COL4A3: variants seen among roughly 807,000 people sequenced by gnomAD.
COL4A3 encodes the protein collagen type IV alpha 3 chain.
A neutral mutation model predicts 217.4 loss-of-function variants in COL4A3; 135 were observed. That is an observed-to-expected ratio of 0.62 (90% confidence interval 0.54 to 0.72). The LOEUF (loss-of-function observed/expected upper bound fraction) is 0.72, where lower values mean the gene tolerates loss of function less well. COL4A3 is among the 30% of genes least tolerant of loss of function. COL4A3 has a pLI of 0.00. For synonymous variants in COL4A3, 690 were observed against 736.3 expected (o/e 0.94, Z 1.02); for missense variants, 1,868 against 2,119.9 (o/e 0.88, Z 2.33).
Position 227,257,607 on chromosome 2 carries a change from A to T in COL4A3, c.992A>T (p.Gln331Leu). 6.2e-7 allele frequency: 1 copy of T among 1,613,796 alleles called. No individual in the cohort carries two copies. Among genetic ancestry groups the T allele is most frequent in the Non-Finnish European group, 8.5e-7 (1 of 1,179,644 alleles). The change falls in exon 18 of 52, where the codon CAG becomes CTG. Residue 331 changes from glutamine to leucine, a missense_variant. This residue lies in a region of COL4A3 where 1,503 missense variants were observed against 1,786.1 expected (regional missense o/e 0.84). Coordinates refer to ENST00000396578, the MANE Select transcript of COL4A3 (RefSeq NM_000091.5). ...TGTAAATGTCTTTCACTGTAGGGAC[A>T]GAAAGGGGACATTGGCCCTCCAGGA... ...GLMGEDGIKGQKGDIGPPGFR... is the reference protein window; with the variant it reads ...GLMGEDGIKGLKGDIGPPGFR...
chr2:227,308,008 G>A, intron 48 of COL4A3, 89 bp downstream of exon 48: 1 of 1,166,172 alleles, frequency 8.6e-7, no homozygotes, highest in Non-Finnish European at 1.3e-6. Flanking sequence ...CTGAAGTTAA[G>A]TGTAAATAAC....
intron 41 of COL4A3, chr2:227,296,589 T>C (rs1559912685): frequency 1.4e-6 from 1 of 714,202 alleles, no homozygotes; most frequent in Non-Finnish European, 1.7e-6. Flanking sequence ...TTGCAGAGCA[T>C]GTAATCATTT....
chr2:227,231,800 G>T (rs1183228229), intron 1 of COL4A3, among the ~76,000 whole-genome samples: 2 of 152,144 alleles, frequency 1.3e-5, no homozygotes, highest in African/African-American at 2.4e-5. Flanking sequence ...CCAATGTGCT[G>T]GGATTATAGG....
At chr2:227,167,555 T>C (rs2125627013) in intron 1 of COL4A3, among the ~76,000 whole-genome samples, 1 of 152,368 alleles carries the variant, frequency 6.6e-6, no homozygotes, top group East Asian at 1.9e-4. Flanking sequence ...TAAGATATCA[T>C]GGTTTATCCT....
intron 2 of COL4A3, among the ~76,000 whole-genome samples, chr2:227,239,202 G>A (rs1215646127): frequency 6.6e-6 from 1 of 151,562 alleles, no homozygotes; most frequent in East Asian, 1.9e-4. Context: ...CGGGGAGGGG[G>A]GGATATAATA....
intron 1 of COL4A3, among the ~76,000 whole-genome samples, chr2:227,188,019 A>G (rs2066093273): frequency 6.6e-6 from 1 of 152,204 alleles, no homozygotes; most frequent in Admixed American, 6.5e-5. Context: ...TATAACAAAC[A>G]AACAGCAGCC....
At position 227,174,250 on chromosome 2, in the gene COL4A3, A is replaced by C. The variant is rs977355161; in HGVS notation, c.87+9437A>C. ...ACATCACAAAACGGAAAATAATTGG[A>C]AAAAGGAATGGGGCAAGGGAAATAT... On this transcript the variant is annotated intron_variant, in intron 1 of 51. Transcript: ENST00000396578. 9.2e-5 allele frequency among the ~76,000 whole-genome samples: 14 copies of C among 152,192 alleles called. 1 individual carries two copies. Among genetic ancestry groups the C allele is most frequent in the African/African-American group, 3.4e-4 (14 of 41,450 alleles).
intron 1 of COL4A3, among the ~76,000 whole-genome samples, chr2:227,202,707 C>A (rs558525870): frequency 7.1e-6 from 1 of 139,978 alleles, no homozygotes; most frequent in Non-Finnish European, 1.5e-5. Context: ...TGCAGTCCGG[C>A]CTGGGAGAAA....
chr2:227,230,508 ATAGT>A (rs1302750868), intron 1 of COL4A3, among the ~76,000 whole-genome samples: 2 of 152,204 alleles, frequency 1.3e-5, no homozygotes, highest in African/African-American at 4.8e-5. Flanking sequence ...TGCTTCCTTA[ATAGT>A]TAGCCTTTGG....
Position 227,267,050 on chromosome 2 carries a change from C to G in COL4A3, c.1466C>G (p.Pro489Arg). The G allele has an allele frequency of 8.7e-6, 14 of 1,613,986 alleles. No individual in the cohort carries two copies. Among genetic ancestry groups the G allele is most frequent in the Non-Finnish European group, 1.2e-5 (14 of 1,179,936 alleles). ...TATATCCCAGGGCCTCCCGGTCTCC[C>G]AGGATTGCCAGGGTTACATGGTGTA... ...CPYIPGPPGL[P>R]GLPGLHGVKG... The change falls in exon 23 of 52, where the codon CCA (proline) becomes CGA (arginine). Residue 489 changes from proline to arginine, a missense_variant. Physicochemically the swap from Pro to Arg is moderately radical, Grantham distance 103. This residue lies in a region of COL4A3 where 1,503 missense variants were observed against 1,786.1 expected (regional missense o/e 0.84). Coordinates refer to ENST00000396578, the MANE Select transcript of COL4A3 (RefSeq NM_000091.5).
At chr2:227,299,594 G>A (rs1276353133) in intron 43 of COL4A3, among the ~76,000 whole-genome samples, 3 of 152,150 alleles carry the variant, frequency 2.0e-5, no homozygotes, top group East Asian at 3.9e-4. Context: ...TTGACTTATC[G>A]TTAGTACAAG....
chr2:227,300,609 A>G (rs1311905235), intron 43 of COL4A3, among the ~76,000 whole-genome samples: 4 of 152,224 alleles, frequency 2.6e-5, no homozygotes, highest in Non-Finnish European at 5.9e-5. Context: ...CTCAGGGATC[A>G]TAACTGAGTG....
At chr2:227,222,122 C>CTAATAATAATAATAATAA (rs367763401) in intron 1 of COL4A3, among the ~76,000 whole-genome samples, 13 of 105,252 alleles carry the variant, frequency 1.2e-4, no homozygotes, top group African/African-American at 3.6e-4. Flanking sequence ...GACACTGTCT[C>CTAATAATAATAATAATAA]TAATAATAAT....
At chr2:227,233,115 G>A (rs987897037) in intron 1 of COL4A3, among the ~76,000 whole-genome samples, 3 of 152,168 alleles carry the variant, frequency 2.0e-5, no homozygotes, top group Non-Finnish European at 4.4e-5. Context: ...CTGGGTTCAA[G>A]CAATTCTCAT....
rs566713571 is a variant in COL4A3 at position 227,250,130 on chromosome 2, C to T, written c.547-1010C>T. On this transcript the variant is annotated intron_variant, in intron 9 of 51. Coordinates refer to ENST00000396578, the MANE Select transcript of COL4A3 (RefSeq NM_000091.5). This position sits in a 1 kb window ranked among gnomAD's most constrained non-coding sequence, Gnocchi z 4.1. The stretch of plus-strand genomic sequence containing the variant: ...GAGTTTGAGACCAGCCTGGCCAACA[C>T]GCTGAAACTCCATCTCTACTAAAGA... Among the ~76,000 whole-genome samples, 7 of 152,090 alleles carry T rather than the reference C, an allele frequency of 4.6e-5. No homozygotes were observed. Among genetic ancestry groups the T allele is most frequent in the East Asian group, 1.9e-4 (1 of 5,158 alleles).
chr2:227,242,508 C>T (rs1024201545), intron 3 of COL4A3, among the ~76,000 whole-genome samples: 1 of 152,210 alleles, frequency 6.6e-6, no homozygotes, highest in Admixed American at 6.5e-5. Flanking sequence ...CCGCTTTCCT[C>T]ACTGAAGGGT....
chr2:227,304,356 T>C, intron 46 of COL4A3: 1 of 599,134 alleles, frequency 1.7e-6, no homozygotes, highest in Non-Finnish European at 2.9e-6. Context: ...ATAGTATAAC[T>C]TGAACAAATA....
intron 1 of COL4A3, among the ~76,000 whole-genome samples, chr2:227,229,665 A>C (rs2068283534): frequency 6.6e-6 from 1 of 152,210 alleles, no homozygotes; most frequent in Non-Finnish European, 1.5e-5. Context: ...GGTACCAGGC[A>C]GGCTAGTGAC....
At chr2:227,306,736 C>A (rs1401693280) in intron 47 of COL4A3, among the ~76,000 whole-genome samples, 1 of 152,064 alleles carries the variant, frequency 6.6e-6, no homozygotes, top group Non-Finnish European at 1.5e-5. Context: ...TGTGACCCTG[C>A]CTGACTCCCA....
Sources: gnomAD v4.1 joint callset for allele counts (sites outside exome capture counted in the v4.1 genomes callset) on GRCh38, gnomAD v4.1.1 for gene constraint, gnomAD v4.1.1 regional missense constraint, Gnocchi (gnomAD v3.1) non-coding constraint, MANE v1.5 for transcripts, NCBI Gene and HGNC (gene_info 2026-07-23, HGNC 2026-07-21) for gene names.